The following TRPM6 variants were observed in gnomAD, a reference collection of about 807,000 sequenced individuals.
TRPM6 encodes the protein channel kinase 2.
TRPM6 carries 111 observed loss-of-function variants against 247.6 expected under a neutral mutation model. The observed-to-expected ratio is 0.45, with a 90% CI of 0.38 to 0.52. The LOEUF (loss-of-function observed/expected upper bound fraction) is 0.52. Ranked by LOEUF, TRPM6 falls within the 20% of genes least tolerant of loss-of-function variation. The pLI, the probability that TRPM6 is intolerant of heterozygous loss-of-function variation, is 0.00. For missense variants in TRPM6, 2,126 were observed against 2,421.5 expected (o/e 0.88, Z 2.56); for synonymous variants, 892 against 853.8 (o/e 1.04, Z -0.78).
At chr9:74,754,029 C>T (rs1826356242) in intron 28 of TRPM6, among the ~76,000 whole-genome samples, 1 of 151,338 alleles carries the variant, frequency 6.6e-6, no homozygotes, top group Non-Finnish European at 1.5e-5. Context: ...TGATATATAA[C>T]ATCCTAAACA....
chr9:74,723,473 T>G lies in TRPM6; in HGVS notation c.*1140A>C, dbSNP rs1295456064. 6.6e-6 allele frequency: 1 copy of G among 150,922 alleles called. No homozygotes were observed. Among genetic ancestry groups the G allele is most frequent in the African/African-American group, 2.4e-5 (1 of 40,900 alleles). 9.3% of individuals were successfully genotyped at this position (150,922 alleles called of 1,614,324 possible). ...AGGAAGGGAAACCCTTTCTTAATGATTTCCAGTTCTTCATATTCTTGTTCT... is the reference window on the plus strand; with the variant it reads ...AGGAAGGGAAACCCTTTCTTAATGAGTTCCAGTTCTTCATATTCTTGTTCT... On this transcript the variant is annotated 3_prime_UTR_variant, in exon 39 of 39. Transcript: ENST00000360774.
intron 21 of TRPM6, 91 bp from the exon 22 acceptor site, chr9:74,782,944 A>G: frequency 8.3e-7 from 1 of 1,211,476 alleles, no homozygotes; most frequent in South Asian, 1.2e-5. Context: ...CTATACCTGC[A>G]AATAATAAGA....
chr9:74,749,903 C>A (rs1269790663), intron 30 of TRPM6, among the ~76,000 whole-genome samples: 1 of 152,112 alleles, frequency 6.6e-6, no homozygotes, highest in Non-Finnish European at 1.5e-5. Flanking sequence ...TGAAAGTCAC[C>A]TTCTACCTGC....
At chr9:74,870,619 C>T (rs1830991240) in intron 1 of TRPM6, among the ~76,000 whole-genome samples, 1 of 152,108 alleles carries the variant, frequency 6.6e-6, no homozygotes, top group African/African-American at 2.4e-5. Flanking sequence ...CCTTTAGCTG[C>T]ACTTAGAAAT....
intron 1 of TRPM6, among the ~76,000 whole-genome samples, chr9:74,875,522 GA>G (rs752304260): frequency 6.6e-6 from 1 of 152,046 alleles, no homozygotes; most frequent in Non-Finnish European, 1.5e-5. Flanking sequence ...CAGCCTGGGC[GA>G]CAGAGCTTGA....
rs1041501417 is a variant in TRPM6, at chr9:74,887,184, G to A, written c.33+640C>T. Reference sequence around the variant, plus strand: ...ACTCCTGAGGTTGCAAGTCCGGGCGGCGCCGCGTTGGGGAAGGAAGCGGAC... The same window carrying A: ...ACTCCTGAGGTTGCAAGTCCGGGCGACGCCGCGTTGGGGAAGGAAGCGGAC... On this transcript the variant is annotated intron_variant, in intron 1 of 38. Coordinates refer to ENST00000360774, the MANE Select transcript of TRPM6 (RefSeq NM_017662.5). The A allele has an allele frequency of 6.2e-5, 75 of 1,201,022 alleles. No homozygotes were observed. The East Asian group carries it at 1.7e-3, about 28-fold the overall frequency. The allele number at this position is 1,201,022 out of a possible 1,614,324, so 74.4% of individuals were successfully genotyped here.
intron 5 of TRPM6, among the ~76,000 whole-genome samples, chr9:74,835,009 C>T (rs1189098236): frequency 1.3e-5 from 2 of 152,118 alleles, no homozygotes; most frequent in Non-Finnish European, 2.9e-5. Context: ...GAGGAATCGC[C>T]ACACTGTCTT....
rs188316399 is a variant in TRPM6 at position 74,798,152 on chromosome 9, C to T, written c.2239-1259G>A. Among the ~76,000 whole-genome samples the T allele has an allele frequency of 2.0e-3, 303 of 152,152 alleles. 1 individual carries two copies. The highest frequency in any genetic ancestry group is 7.0e-3 in the African/African-American group (289 of 41,524). On this transcript the variant is annotated intron_variant, in intron 17 of 38. Coordinates refer to ENST00000360774, the MANE Select transcript of TRPM6 (RefSeq NM_017662.5). ...CTTGATGAACACTACTTCTTTCAAG[C>T]TAAAAGTAGGCCTTAGTATTCTGGT...
intron 14 of TRPM6, chr9:74,804,410 C>T: frequency 1.9e-6 from 1 of 514,776 alleles, no homozygotes. Flanking sequence ...TTTTCATCAA[C>T]AAGATACAAA....
At chr9:74,736,660 A>G (rs1469622452) in intron 36 of TRPM6, among the ~76,000 whole-genome samples, 2 of 152,170 alleles carry the variant, frequency 1.3e-5, no homozygotes, top group Non-Finnish European at 2.9e-5. Context: ...CTCAAATTTC[A>G]TAACATTCAT....
chr9:74,791,448 T>C (rs564540871), intron 19 of TRPM6, among the ~76,000 whole-genome samples: 59 of 152,114 alleles, frequency 3.9e-4, no homozygotes, highest in African/African-American at 1.3e-3. Flanking sequence ...AAATAAATGC[T>C]ATGGGAGCAC....
intron 36 of TRPM6, among the ~76,000 whole-genome samples, chr9:74,733,838 G>A (rs968156190): frequency 7.3e-5 from 11 of 151,706 alleles, no homozygotes; most frequent in South Asian, 4.2e-4. Context: ...GATTACAGGC[G>A]TGAGCCACCA....
intron 36 of TRPM6, among the ~76,000 whole-genome samples, chr9:74,733,536 A>C (rs1328511272): frequency 6.6e-6 from 1 of 152,340 alleles, no homozygotes; most frequent in Non-Finnish European, 1.5e-5. Flanking sequence ...ATAAAAGAAA[A>C]GTGTTATCCT....
chr9:74,863,238 G>T (rs913718949), intron 1 of TRPM6, among the ~76,000 whole-genome samples: 175 of 151,748 alleles, frequency 1.2e-3, no homozygotes, highest in Non-Finnish European at 2.1e-3. Context: ...GTAGAGATGG[G>T]GTTTCACCAT....
At chr9:74,822,888 C>A (rs184600753) in intron 7 of TRPM6, among the ~76,000 whole-genome samples, 3 of 151,834 alleles carry the variant, frequency 2.0e-5, no homozygotes, top group Non-Finnish European at 4.4e-5. Flanking sequence ...TATGCACATA[C>A]CTGTATGTAT....
At chr9:74,764,138 AAAGTAAAAATTAATTTAATT>A in intron 25 of TRPM6, among the ~76,000 whole-genome samples, 1 of 152,148 alleles carries the variant, frequency 6.6e-6, no homozygotes. Context: ...AAAAAAAAAA[AAAGTAAAAATTAATTTAATT>A]GAGAGATGGC....
At chr9:74,795,203 C>A (rs1828048753) in intron 18 of TRPM6, among the ~76,000 whole-genome samples, 1 of 152,150 alleles carries the variant, frequency 6.6e-6, no homozygotes, top group African/African-American at 2.4e-5. Flanking sequence ...CTTATTGCTT[C>A]TCACCTGGAT....
intron 5 of TRPM6, among the ~76,000 whole-genome samples, chr9:74,837,249 C>T (rs941344995): frequency 1.3e-5 from 2 of 152,196 alleles, no homozygotes; most frequent in South Asian, 2.1e-4. Flanking sequence ...CAAATTTAAA[C>T]GTGCACGGGA....
intron 37 of TRPM6, among the ~76,000 whole-genome samples, chr9:74,731,857 C>A (rs1825533016): frequency 6.6e-6 from 1 of 152,092 alleles, no homozygotes; most frequent in South Asian, 2.1e-4. Context: ...GTAAGAAATG[C>A]AGATTATTTG....
Sources: allele counts gnomAD v4.1 joint callset (sites outside exome capture counted in the v4.1 genomes callset), GRCh38; gene constraint gnomAD v4.1.1; transcripts MANE v1.5; gene names NCBI Gene and HGNC (gene_info 2026-07-23, HGNC 2026-07-21).